LRP1B: variants seen among roughly 807,000 people sequenced by gnomAD.
LRP1B encodes the protein LDL receptor related protein 1B, also known as low-density lipoprotein receptor-related protein 1B.
In LRP1B, 217 loss-of-function variants were observed where a neutral mutation model predicts 556.6. The observed-to-expected ratio is 0.39, with a 90% CI of 0.35 to 0.44. The LOEUF is 0.44. LRP1B is among the 20% of genes least tolerant of loss of function. LRP1B has a pLI of 1.00. For missense variants in LRP1B, 5,053 were observed against 5,620.8 expected, an observed-to-expected ratio of 0.90 and a Z score of 3.23; for synonymous variants, 2,047 against 1,865.8, an observed-to-expected ratio of 1.10 and a Z score of -2.50.
intron 3 of LRP1B, among the ~76,000 whole-genome samples, chr2:141,449,771 T>A (rs11351448): frequency 0.21 from 31,774 of 152,160 alleles, 3,857 homozygotes; most frequent in South Asian, 0.36. Context: ...AAATGTAAAC[T>A]TTTTTGTGGA....
At chr2:141,287,243 T>C (rs925981689) in intron 3 of LRP1B, among the ~76,000 whole-genome samples, 3 of 152,170 alleles carry the variant, frequency 2.0e-5, no homozygotes, top group Non-Finnish European at 4.4e-5. Flanking sequence ...GCCATTCTCA[T>C]TCTCATTCTC....
chr2:141,143,097 T>A (rs934458584), intron 7 of LRP1B, among the ~76,000 whole-genome samples: 1 of 151,772 alleles, frequency 6.6e-6, no homozygotes, highest in Non-Finnish European at 1.5e-5. Context: ...CCTGGCTAAT[T>A]TTTTTGTATT....
At chr2:140,313,894 T>C (rs1204913179) in intron 83 of LRP1B, among the ~76,000 whole-genome samples, 1 of 151,878 alleles carries the variant, frequency 6.6e-6, no homozygotes, top group Non-Finnish European at 1.5e-5. Context: ...CAGAATGCTA[T>C]TAAGTAATTA....
intron 3 of LRP1B, among the ~76,000 whole-genome samples, chr2:141,464,606 A>ATATATATATATTTTTTTTTTTTTTTTT: frequency 1.1e-3 from 103 of 90,390 alleles, no homozygotes; most frequent in African/African-American, 3.8e-3. Context: ...ATATATATAT[A>ATATATATATATTTTTTTTTTTTTTTTT]TTTTTTTAGT....
chr2:140,858,353 T>C (rs1692680661), intron 27 of LRP1B, among the ~76,000 whole-genome samples: 1 of 151,728 alleles, frequency 6.6e-6, no homozygotes, highest in Admixed American at 6.6e-5. Context: ...ATATATGAAA[T>C]AAAGAGATGC....
intron 35 of LRP1B, among the ~76,000 whole-genome samples, chr2:140,765,069 T>C (rs2104924190): frequency 6.6e-6 from 1 of 152,166 alleles, no homozygotes; most frequent in Non-Finnish European, 1.5e-5. Flanking sequence ...CCTCAAGTGA[T>C]CTTGCCACCT....
chr2:141,761,700 G>GC (rs1192785214), intron 2 of LRP1B, among the ~76,000 whole-genome samples: 1 of 152,026 alleles, frequency 6.6e-6, no homozygotes, highest in Admixed American at 6.6e-5. Context: ...TTATTCCTAA[G>GC]CCACATTTTC....
chr2:140,387,976 C>A (rs1251752064), intron 66 of LRP1B, among the ~76,000 whole-genome samples: 2 of 150,472 alleles, frequency 1.3e-5, no homozygotes, highest in African/African-American at 2.4e-5. Context: ...TTGCTCTATC[C>A]CACAGGCTGG....
intron 1 of LRP1B, among the ~76,000 whole-genome samples, chr2:141,979,292 A>T (rs1467519674): frequency 6.6e-6 from 1 of 152,118 alleles, no homozygotes; most frequent in African/African-American, 2.4e-5. Context: ...ACTATCTCCC[A>T]AATATGAATA....
At chr2:140,295,499 C>T (rs1294647718) in intron 84 of LRP1B, among the ~76,000 whole-genome samples, 1 of 152,142 alleles carries the variant, frequency 6.6e-6, no homozygotes, top group Non-Finnish European at 1.5e-5. Context: ...TGTGCTGTTT[C>T]ATGTAGTTCC....
intron 3 of LRP1B, among the ~76,000 whole-genome samples, chr2:141,431,758 T>A (rs1680569807): frequency 6.6e-6 from 1 of 152,128 alleles, no homozygotes; most frequent in Admixed American, 6.6e-5. Flanking sequence ...AATTTCATTT[T>A]AAAAATGCTC....
At chr2:141,659,437 G>T (rs1472611932) in intron 2 of LRP1B, among the ~76,000 whole-genome samples, 4 of 152,166 alleles carry the variant, frequency 2.6e-5, no homozygotes, top group African/African-American at 9.6e-5. Context: ...CAAAAGCAGT[G>T]GGAATAAAAA....
At chr2:140,873,593 A>G (rs1463409437) in intron 25 of LRP1B, among the ~76,000 whole-genome samples, 1 of 152,118 alleles carries the variant, frequency 6.6e-6, no homozygotes, top group Admixed American at 6.6e-5. Flanking sequence ...TAATTTTGCA[A>G]TGGTAGTTCC....
At chr2:140,947,128 C>T (rs1005034865) in intron 20 of LRP1B, among the ~76,000 whole-genome samples, 2 of 152,086 alleles carry the variant, frequency 1.3e-5, no homozygotes, top group Non-Finnish European at 2.9e-5. Flanking sequence ...GCAAAATACT[C>T]TTAACAATAA....
At chr2:140,818,565 G>A (rs768157548) in intron 31 of LRP1B, among the ~76,000 whole-genome samples, 2 of 152,116 alleles carry the variant, frequency 1.3e-5, no homozygotes, top group Non-Finnish European at 2.9e-5. Flanking sequence ...TTATTACATG[G>A]AGAAGGATTC....
chr2:140,714,515 GGCTT>G (rs1169429805), intron 37 of LRP1B, among the ~76,000 whole-genome samples: 5 of 152,058 alleles, frequency 3.3e-5, no homozygotes, highest in Non-Finnish European at 7.4e-5. Flanking sequence ...AGCAGCAAAA[GGCTT>G]GTTAAATTAA....
At chr2:141,138,364 G>C (rs1251565902) in intron 7 of LRP1B, among the ~76,000 whole-genome samples, 1 of 151,934 alleles carries the variant, frequency 6.6e-6, no homozygotes, top group East Asian at 1.9e-4. Flanking sequence ...AACAAGACAA[G>C]ACAGGGATCT....
At position 140,644,461 on chromosome 2, in the gene LRP1B, C is replaced by A. The variant is rs139924045; in HGVS notation, c.6800-42822G>T. ...GTCACCTAGGCCAGAGGGAGTGGCA[C>A]TATGTTCATTCACTGTAGCCTCAAC... On this transcript the variant is annotated intron_variant, in intron 41 of 90. Coordinates refer to ENST00000389484, the MANE Select transcript of LRP1B (RefSeq NM_018557.3). Among the ~76,000 whole-genome samples the A allele has an allele frequency of 3.0e-4, 45 of 149,236 alleles. No individual in the cohort carries two copies. The East Asian group carries it at 8.5e-3, about 28-fold the overall frequency.
intron 49 of LRP1B, among the ~76,000 whole-genome samples, chr2:140,519,934 G>C (rs77911406): frequency 1.3e-5 from 2 of 151,996 alleles, no homozygotes; most frequent in East Asian, 3.9e-4. Flanking sequence ...ACACCAGTTA[G>C]AATGGCGATC....
Sources: allele counts gnomAD v4.1 joint callset (sites outside exome capture counted in the v4.1 genomes callset), GRCh38; gene constraint gnomAD v4.1.1; transcripts MANE v1.5; gene names NCBI Gene and HGNC (gene_info 2026-07-23, HGNC 2026-07-21).